The following DPP6 variants were observed in gnomAD, a reference collection of about 807,000 sequenced individuals.
DPP6 encodes the protein A-type potassium channel modulatory protein DPP6.
Under a neutral mutation model 122.6 loss-of-function variants are expected in DPP6, and 69 were observed. That is an observed-to-expected ratio of 0.56 (90% CI 0.46 to 0.69). The LOEUF is 0.69. Among genes scored for constraint, DPP6 ranks in the 30% least tolerant of loss-of-function variants. DPP6 has a pLI of 0.00. For missense variants in DPP6, 928 were observed against 1,116.9 expected (o/e 0.83, Z 2.41); for synonymous variants, 418 against 433.1 (o/e 0.97, Z 0.43).
intron 23 of DPP6, among the ~76,000 whole-genome samples, chr7:154,888,763 C>T (rs1006762339): frequency 1.2e-4 from 18 of 152,158 alleles, no homozygotes; most frequent in African/African-American, 3.6e-4. Context: ...TAAAGACATA[C>T]CTGAGACTGG....
At chr7:154,608,341 A>ATTTTTT (rs1554598275) in intron 5 of DPP6, among the ~76,000 whole-genome samples, 3 of 123,196 alleles carry the variant, frequency 2.4e-5, no homozygotes, top group Non-Finnish European at 5.1e-5. Flanking sequence ...ATATATATAT[A>ATTTTTT]TTTTGAGATG....
At chr7:154,041,208 G>A (rs893730596) in intron 1 of DPP6, among the ~76,000 whole-genome samples, 8 of 151,892 alleles carry the variant, frequency 5.3e-5, no homozygotes, top group African/African-American at 1.9e-4. Context: ...AGAGGCCTTC[G>A]AGCATTGACA....
intron 8 of DPP6, among the ~76,000 whole-genome samples, chr7:154,739,705 T>TGTCA (rs1842730144): frequency 6.6e-6 from 1 of 152,232 alleles, no homozygotes; most frequent in Non-Finnish European, 1.5e-5. Flanking sequence ...GGTTCGTAAT[T>TGTCA]GTCACATGCA....
intron 1 of DPP6, among the ~76,000 whole-genome samples, chr7:153,926,807 A>G (rs1800921600): frequency 4.4e-5 from 1 of 22,856 alleles, no homozygotes; most frequent in Admixed American, 4.3e-4. Context: ...CAGATTTGTA[A>G]AAAAAAGAAA....
At chr7:153,906,016 C>T (rs1799834667) in intron 1 of DPP6, among the ~76,000 whole-genome samples, 1 of 152,182 alleles carries the variant, frequency 6.6e-6, no homozygotes, top group Admixed American at 6.5e-5. Context: ...GGAAGTGTTA[C>T]ACAGGTATTT....
chr7:153,884,288 G>T (rs535115415), upstream of DPP6, among the ~76,000 whole-genome samples: 160 of 152,248 alleles, frequency 1.1e-3, no homozygotes, highest in African/African-American at 3.7e-3. Flanking sequence ...GCAATAGTTT[G>T]CTGAGAATGA....
At chr7:154,324,768 C>T (rs1162378621) in intron 1 of DPP6, among the ~76,000 whole-genome samples, 1 of 152,180 alleles carries the variant, frequency 6.6e-6, no homozygotes, top group Non-Finnish European at 1.5e-5. Context: ...TCGGCCCTTT[C>T]ATGGCCTGGT....
At chr7:154,051,265 C>T (rs1270236322), upstream of DPP6, among the ~76,000 whole-genome samples, 2 of 109,980 alleles carry the variant, frequency 1.8e-5, 1 homozygote, top group Non-Finnish European at 4.0e-5. Flanking sequence ...CAGGTTCCCC[C>T]CTCTGGAGTT....
At chr7:154,281,799 T>C (rs1804532032) in intron 1 of DPP6, among the ~76,000 whole-genome samples, 2 of 152,200 alleles carry the variant, frequency 1.3e-5, no homozygotes, top group Non-Finnish European at 2.9e-5. Flanking sequence ...GCCTCTTCTT[T>C]ATGGTCATAC....
At chr7:153,762,977 G>T in the DPP6 span, among the ~76,000 whole-genome samples, 2 of 152,120 alleles carry the variant, frequency 1.3e-5, no homozygotes, top group African/African-American at 2.4e-5. Context: ...ATTACAATGA[G>T]AATTTGAAGG....
the DPP6 span, among the ~76,000 whole-genome samples, chr7:153,838,364 A>G: frequency 6.6e-6 from 1 of 152,116 alleles, no homozygotes; most frequent in South Asian, 2.1e-4. Context: ...TCTGTGTTTC[A>G]GTGGAGATTT....
At chr7:154,662,152 G>A (rs1363968892) in intron 6 of DPP6, among the ~76,000 whole-genome samples, 5 of 150,750 alleles carry the variant, frequency 3.3e-5, no homozygotes, top group Admixed American at 2.6e-4. Flanking sequence ...AATCACCATG[G>A]CATATTGGCC....
intron 2 of DPP6, among the ~76,000 whole-genome samples, chr7:154,451,451 G>A (rs1470206224): frequency 6.6e-6 from 1 of 151,718 alleles, no homozygotes; most frequent in Non-Finnish European, 1.5e-5. Flanking sequence ...TTGAGAACCA[G>A]GTCCTGGGAC....
chr7:154,549,214 T>C (rs570221178), intron 4 of DPP6, among the ~76,000 whole-genome samples: 1 of 152,340 alleles, frequency 6.6e-6, no homozygotes, highest in Non-Finnish European at 1.5e-5. Flanking sequence ...ACCAACAAAG[T>C]TGGACATGTT....
At chr7:154,858,993 T>C (rs1803075927) in intron 17 of DPP6, among the ~76,000 whole-genome samples, 1 of 152,194 alleles carries the variant, frequency 6.6e-6, no homozygotes, top group Non-Finnish European at 1.5e-5. Flanking sequence ...CTTATCTGAC[T>C]ACCAAGCAGG....
chr7:153,749,650 A>T, the DPP6 span, among the ~76,000 whole-genome samples: 1 of 152,046 alleles, frequency 6.6e-6, no homozygotes, highest in South Asian at 2.1e-4. The surrounding 1 kb of genome is among the most constrained non-coding windows in gnomAD (Gnocchi z 4.1). Flanking sequence ...ACGCGCAAAA[A>T]ACCCAGATCG....
At chr7:154,501,995 G>A (rs766232393) in intron 3 of DPP6, among the ~76,000 whole-genome samples, 4 of 152,158 alleles carry the variant, frequency 2.6e-5, no homozygotes, top group African/African-American at 9.7e-5. Flanking sequence ...CAACATGACC[G>A]AAATGTGAGA....
intron 1 of DPP6, among the ~76,000 whole-genome samples, chr7:154,349,467 C>T (rs1810671831): frequency 6.6e-6 from 1 of 152,196 alleles, no homozygotes; most frequent in Non-Finnish European, 1.5e-5. Context: ...TGAGCCAACA[C>T]ACTCGGCCAA....
intron 5 of DPP6, among the ~76,000 whole-genome samples, chr7:154,629,144 T>G (rs2130889348): frequency 6.6e-6 from 1 of 152,344 alleles, no homozygotes; most frequent in South Asian, 2.1e-4. Context: ...GTCTATTGTG[T>G]TAATTTCCAG....
Sources: gnomAD v4.1 joint callset for allele counts (sites outside exome capture counted in the v4.1 genomes callset) on GRCh38, gnomAD v4.1.1 for gene constraint, Gnocchi (gnomAD v3.1) non-coding constraint, MANE v1.5 for transcripts, NCBI Gene and HGNC (gene_info 2026-07-23, HGNC 2026-07-21) for gene names.